Variants in CTTNBP2 observed in about 807,000 individuals in gnomAD.
CTTNBP2 encodes the protein cortactin binding protein 2.
Under a neutral mutation model 156.9 loss-of-function variants are expected in CTTNBP2, and 108 were observed. The ratio of observed to expected loss-of-function variants is 0.69; its 90% CI spans 0.59 to 0.81. The LOEUF is 0.81. Ranked by LOEUF, CTTNBP2 falls within the 30% of genes least tolerant of loss-of-function variation. CTTNBP2 has a pLI of 0.00. For synonymous variants in CTTNBP2, 767 were observed against 751.8 expected, an observed-to-expected ratio of 1.02 and a Z score of -0.33; for missense variants, 1,924 against 2,035.4, an observed-to-expected ratio of 0.95 and a Z score of 1.05.
intron 2 of CTTNBP2, among the ~76,000 whole-genome samples, chr7:117,855,041 C>A (rs1158909640): frequency 6.6e-6 from 1 of 151,084 alleles, no homozygotes; most frequent in Non-Finnish European, 1.5e-5. Flanking sequence ...TGCTTCAGCT[C>A]CCCAAAGTGC....
At position 117,724,668 on chromosome 7, in the gene CTTNBP2, A is replaced by G. The variant is rs1283355595; in HGVS notation, c.4326T>C (p.Tyr1442=). The G allele has an allele frequency of 1.9e-6, 3 of 1,614,192 alleles. No homozygotes were observed. The highest frequency in any genetic ancestry group is 2.2e-5 in the East Asian group (1 of 44,888). The part of the protein sequence containing the change: ...GSFPLSIVSS[Y]NTCNKKKGES... ...CTCCTTTCTTCTTGTTACAAGTGTT[A>G]TAACTGGAAACTATGGATAAAGGGA... Residue 1442 remains tyrosine (Y), a synonymous_variant, in exon 19 of 23, where the codon TAT becomes TAC. Transcript: ENST00000160373.
chr7:117,752,470 A>C (rs1306864010), intron 12 of CTTNBP2, among the ~76,000 whole-genome samples: 1 of 152,240 alleles, frequency 6.6e-6, no homozygotes, highest in African/African-American at 2.4e-5. Flanking sequence ...ATTGGGTTGA[A>C]TATTTCCCCT....
At chr7:117,856,275 T>C (rs2117220184) in intron 2 of CTTNBP2, among the ~76,000 whole-genome samples, 1 of 152,270 alleles carries the variant, frequency 6.6e-6, no homozygotes, top group East Asian at 1.9e-4. Flanking sequence ...CCCCTTACCA[T>C]ATGTTGGGAT....
In CTTNBP2 at chr7:117,728,120, C is replaced by T; in HGVS notation, c.4024G>A (p.Val1342Ile). The change falls in exon 17 of 23, where the codon GTA becomes ATA. Residue 1342 changes from valine (V) to isoleucine (I), a missense_variant. Val to Ile is a conservative substitution (Grantham distance 29). Coordinates refer to ENST00000160373, the MANE Select transcript of CTTNBP2 (RefSeq NM_033427.3). ...GTCACTTGGGCATGCCCAGGAACTA[C>T]AGGACAAGACAGGAAATATTTTGGT... The part of the protein sequence containing the change: ...LGPKYFLSCP[V>I]VPGHAQVTVK... 1.9e-6 allele frequency: 3 copies of T among 1,613,998 alleles called. No individual in the cohort carries two copies. The highest frequency in any genetic ancestry group is 2.2e-5 in the East Asian group (1 of 44,886).
intron 2 of CTTNBP2, among the ~76,000 whole-genome samples, chr7:117,821,781 G>A (rs778912285): frequency 1.3e-5 from 2 of 151,820 alleles, no homozygotes; most frequent in Non-Finnish European, 1.5e-5. Flanking sequence ...TAGTAGAGAT[G>A]GGGTTTCACT....
At chr7:117,719,446 C>G in intron 21 of CTTNBP2, 58 bp downstream of exon 21, 1 of 1,501,736 alleles carries the variant, frequency 6.7e-7, no homozygotes, top group Non-Finnish European at 9.0e-7. Flanking sequence ...TGTGGTCCCC[C>G]AAAAGTCTCC....
intron 1 of CTTNBP2, among the ~76,000 whole-genome samples, chr7:117,867,092 T>C (rs1443494770): frequency 3.3e-5 from 5 of 152,196 alleles, no homozygotes; most frequent in African/African-American, 7.2e-5. Flanking sequence ...ATTCAGCTAA[T>C]TGTAAGGGTT....
At chr7:117,724,431 CT>C (rs939270901) in intron 19 of CTTNBP2, 115 bp downstream of exon 19, 2 of 887,808 alleles carry the variant, frequency 2.3e-6, no homozygotes, top group African/African-American at 3.4e-5. Flanking sequence ...CATTAAAATA[CT>C]TAAACTTTGT....
chr7:117,754,519 A>G (rs765158996), intron 12 of CTTNBP2, among the ~76,000 whole-genome samples: 1 of 152,236 alleles, frequency 6.6e-6, no homozygotes, highest in Non-Finnish European at 1.5e-5. Context: ...AACAGTTGTG[A>G]AACAACTGAA....
chr7:117,816,318 A>G (rs1800573423), intron 2 of CTTNBP2, among the ~76,000 whole-genome samples: 1 of 152,178 alleles, frequency 6.6e-6, no homozygotes, highest in African/African-American at 2.4e-5. Flanking sequence ...GTGCTTTGTA[A>G]TGATCATTGT....
chr7:117,810,498 G>T (rs138540499), intron 3 of CTTNBP2, among the ~76,000 whole-genome samples: 21 of 152,206 alleles, frequency 1.4e-4, no homozygotes, highest in African/African-American at 2.6e-4. Context: ...CATATATATA[G>T]AGAGAGATTT....
chr7:117,746,342 C>T (rs1432333674), intron 12 of CTTNBP2, among the ~76,000 whole-genome samples: 6 of 152,154 alleles, frequency 3.9e-5, no homozygotes, highest in Non-Finnish European at 5.9e-5. Flanking sequence ...CTCTATTTTC[C>T]ATAGCGAGGG....
At chr7:117,722,257 GT>G (rs34399167) in intron 19 of CTTNBP2, among the ~76,000 whole-genome samples, 49,376 of 140,578 alleles carry the variant, frequency 0.35, 10,002 homozygotes, top group African/African-American at 0.59. Flanking sequence ...TCCTGTGTTG[GT>G]TTTTTTTTTT....
chr7:117,728,220 G>C lies in CTTNBP2; in HGVS notation c.3924C>G (p.Val1308=), dbSNP rs142002271. The change falls in exon 17 of 23, where the codon GTC becomes GTG. Residue 1308 remains valine, a synonymous_variant. Coordinates refer to ENST00000160373, the MANE Select transcript of CTTNBP2 (RefSeq NM_033427.3). Reference sequence around the variant, plus strand: ...GACGCCAGACGGACAGAGCCCAGTCGACAATCTTGCACACAGGATCGCAGG... The same window carrying C: ...GACGCCAGACGGACAGAGCCCAGTCCACAATCTTGCACACAGGATCGCAGG... ...PSPCDPVCKI[V]DWALSVWRQL... 3 of 1,614,152 alleles carry C rather than the reference G, an allele frequency of 1.9e-6. No homozygotes were observed. The Admixed American group carries it at 5.0e-5, about 27-fold the overall frequency.
intron 2 of CTTNBP2, among the ~76,000 whole-genome samples, chr7:117,826,209 G>A (rs1396762986): frequency 1.3e-5 from 2 of 152,070 alleles, no homozygotes; most frequent in Non-Finnish European, 2.9e-5. Context: ...CGTGCCCAAG[G>A]ATGAAAATGA....
chr7:117,724,567 T>C lies in CTTNBP2; in HGVS notation c.4427A>G (p.Lys1476Arg), dbSNP rs1794981744. ...SGRFSLPTWN[K>R]PDLSTEGMKN... ...TTTACCTTCAGTGCTTAGGTCTGGCTTATTCCAGGTGGGTAAAGAGAAGCG... is the reference window on the plus strand; with the variant it reads ...TTTACCTTCAGTGCTTAGGTCTGGCCTATTCCAGGTGGGTAAAGAGAAGCG... The change falls in exon 19 of 23, where the codon AAG (lysine) becomes AGG (arginine). Residue 1476 changes from lysine (K) to arginine (R), a missense_variant. Physicochemically the swap from Lys to Arg is conservative, Grantham distance 26. Transcript: ENST00000160373. 1 of 1,613,866 alleles carries C rather than the reference T, an allele frequency of 6.2e-7. No homozygotes were observed. The highest frequency in any genetic ancestry group is 8.5e-7 in the Non-Finnish European group (1 of 1,180,002).
chr7:117,802,457 A>C (rs1484595892), intron 3 of CTTNBP2, among the ~76,000 whole-genome samples: 5 of 141,220 alleles, frequency 3.5e-5, no homozygotes, highest in East Asian at 3.9e-4. Flanking sequence ...AAAAAAAAAA[A>C]CAAAAACAAA....
chr7:117,860,174 G>A (rs560912532), intron 2 of CTTNBP2, among the ~76,000 whole-genome samples: 2 of 152,050 alleles, frequency 1.3e-5, no homozygotes, highest in South Asian at 2.1e-4. Context: ...TTGGCCAAAT[G>A]ACCAAGAACC....
At chr7:117,734,804 G>C in intron 16 of CTTNBP2, 109 bp downstream of exon 16, 1 of 775,214 alleles carries the variant, frequency 1.3e-6, no homozygotes, top group South Asian at 2.8e-5. Context: ...TCAAAAAGCT[G>C]TACCTGCCCA....
Sources: allele counts gnomAD v4.1 joint callset (sites outside exome capture counted in the v4.1 genomes callset), GRCh38; gene constraint gnomAD v4.1.1; transcripts MANE v1.5; gene names NCBI Gene and HGNC (gene_info 2026-07-23, HGNC 2026-07-21).